The following ZMYND11 variants were observed in gnomAD, a reference collection of about 807,000 sequenced individuals.
ZMYND11 encodes the protein zinc finger MYND-type containing 11.
ZMYND11 carries 9 observed loss-of-function variants against 84.9 expected under a neutral mutation model. The ratio of observed to expected loss-of-function variants is 0.11; its 90% CI spans 0.06 to 0.18. The LOEUF (loss-of-function observed/expected upper bound fraction) is 0.18. ZMYND11 is among the 10% of genes least tolerant of loss of function. The pLI, the probability that ZMYND11 is intolerant of heterozygous loss-of-function variation, is 1.00. For missense variants in ZMYND11, 409 were observed against 761.0 expected (o/e 0.54, Z 5.44); for synonymous variants, 250 against 244.1 (o/e 1.02, Z -0.23).
intron 2 of ZMYND11, among the ~76,000 whole-genome samples, chr10:195,270 A>T (rs1941456124): frequency 6.6e-6 from 1 of 152,248 alleles, no homozygotes; most frequent in African/African-American, 2.4e-5. Context: ...TCAGTGGCTA[A>T]CGTCAGGCAG....
intron 14 of ZMYND11, chr10:249,612 C>G: frequency 7.1e-6 from 7 of 985,390 alleles, no homozygotes; most frequent in Non-Finnish European, 8.4e-6. Flanking sequence ...CATTTGTCAT[C>G]GTGTCCTGCT....
In ZMYND11 at chr10:221,253, T is replaced by C. The variant is rs755678263; in HGVS notation, c.335T>C (p.Val112Ala). 1 of 1,613,868 alleles carries C rather than the reference T, an allele frequency of 6.2e-7. No homozygotes were observed. The highest frequency in any genetic ancestry group is 8.5e-7 in the Non-Finnish European group (1 of 1,179,842). ...YCFECHLPGE[V>A]LICDLCFRVY... is the part of the protein sequence containing the mutation. ...TTTGAATGCCATTTGCCTGGAGAGG[T>C]GTTGATATGTGACCTGTGTTTTCGT... The change falls in exon 4 of 15, where the codon GTG becomes GCG. Residue 112 changes from valine to alanine, a missense_variant. Physicochemically the swap from Val to Ala is moderately conservative, Grantham distance 64. Around this residue, in one of 7 missense-constraint regions of ZMYND11, gnomAD observed 73 missense variants for 185.8 expected, o/e 0.39. Coordinates refer to ENST00000381604, the MANE Select transcript of ZMYND11 (RefSeq NM_001370100.5).
At chr10:156,508 T>C (rs939069595) in intron 1 of ZMYND11, among the ~76,000 whole-genome samples, 2 of 152,220 alleles carry the variant, frequency 1.3e-5, no homozygotes, top group Non-Finnish European at 1.5e-5. Context: ...TAACTCAAAC[T>C]CATGGATGGT....
At chr10:210,072 C>T (rs1564387446) in intron 3 of ZMYND11, 24 bp downstream of exon 3, 15 of 1,610,126 alleles carry the variant, frequency 9.3e-6, no homozygotes, top group Non-Finnish European at 1.3e-5. Flanking sequence ...ATTTGATAAA[C>T]ATAGAGATGT....
chr10:175,639 G>A (rs1554766779), intron 1 of ZMYND11, among the ~76,000 whole-genome samples: 4 of 152,050 alleles, frequency 2.6e-5, no homozygotes, highest in Non-Finnish European at 5.9e-5. Flanking sequence ...AGTGTAGAAG[G>A]ACTTCTGATC....
chr10:242,229 G>C, intron 10 of ZMYND11, 90 bp downstream of exon 10: 2 of 1,470,700 alleles, frequency 1.4e-6, no homozygotes, highest in African/African-American at 1.4e-5. Flanking sequence ...GATGCATGAA[G>C]TTTATTTTAA....
chr10:134,083 T>C (rs1429804883), upstream of ZMYND11, among the ~76,000 whole-genome samples: 8 of 152,162 alleles, frequency 5.3e-5, no homozygotes, highest in African/African-American at 1.9e-4. Flanking sequence ...AATAGATACC[T>C]GAAACCCGGG....
intron 2 of ZMYND11, among the ~76,000 whole-genome samples, chr10:189,762 TAAG>T (rs1052648332): frequency 3.0e-4 from 45 of 152,276 alleles, no homozygotes; most frequent in African/African-American, 1.0e-3. Flanking sequence ...CATAAAATAA[TAAG>T]GCGGTAGTAC....
intron 3 of ZMYND11, among the ~76,000 whole-genome samples, chr10:218,082 C>A (rs1462186467): frequency 6.6e-6 from 1 of 152,204 alleles, no homozygotes; most frequent in East Asian, 1.9e-4. Flanking sequence ...ATAAGACATA[C>A]ATTCATGTCT....
intron 1 of ZMYND11, among the ~76,000 whole-genome samples, chr10:153,368 C>G (rs988337405): frequency 6.6e-6 from 1 of 152,020 alleles, no homozygotes; most frequent in African/African-American, 2.4e-5. Context: ...TTTTAAGTTC[C>G]TAGTAGACAG....
chr10:251,565 G>A (rs1005345760), intron 14 of ZMYND11, among the ~76,000 whole-genome samples: 1 of 152,208 alleles, frequency 6.6e-6, no homozygotes, highest in East Asian at 1.9e-4. Flanking sequence ...GTTGTCAAGT[G>A]TTTGTTTACA....
Position 252,543 on chromosome 10 carries a change from A to G in ZMYND11, c.*73A>G, listed in dbSNP as rs1953717449. ...AGCGGTTTTTGTTTCCAAGAAGCCA[A>G]AATTGTTTAGAATTTGCTTCCCATT... On this transcript the variant is annotated 3_prime_UTR_variant, in exon 15 of 15. Coordinates refer to ENST00000381604, the MANE Select transcript of ZMYND11 (RefSeq NM_001370100.5). This position sits in a 1 kb window ranked among gnomAD's most constrained non-coding sequence, Gnocchi z 4.6. 1 of 1,525,320 alleles carries G rather than the reference A, an allele frequency of 6.6e-7. No homozygotes were observed. Among genetic ancestry groups the G allele is most frequent in the Middle Eastern group, 2.2e-4 (1 of 4,574 alleles). 94.5% of individuals were successfully genotyped at this position (1,525,320 alleles called of 1,614,324 possible).
chr10:139,762 A>AGT (rs1837062877), intron 1 of ZMYND11, among the ~76,000 whole-genome samples: 1 of 117,258 alleles, frequency 8.5e-6, no homozygotes, highest in Non-Finnish European at 1.6e-5. Context: ...CCCAGGCTGG[A>AGT]GTGCAGTGGT....
chr10:230,953 A>G (rs1426758578), intron 4 of ZMYND11, among the ~76,000 whole-genome samples: 1 of 152,222 alleles, frequency 6.6e-6, no homozygotes, highest in Non-Finnish European at 1.5e-5. Flanking sequence ...TCTAGGGGTC[A>G]ACCTGTGTAT....
rs1169417617 is a variant in ZMYND11 at position 218,475 on chromosome 10, C to G, written c.277-2720C>G. 15 of 395,034 alleles carry G rather than the reference C, an allele frequency of 3.8e-5. No homozygotes were observed. The Admixed American group carries it at 5.4e-4, about 14-fold the overall frequency. The allele number at this position is 395,034 out of a possible 1,614,324, so 24.5% of individuals were successfully genotyped here. On this transcript the variant is annotated intron_variant, in intron 3 of 14. Coordinates refer to ENST00000381604, the MANE Select transcript of ZMYND11 (RefSeq NM_001370100.5). ...GAAAGGCCTATAGTATGCAGCCTTT[C>G]TCCAGGACAGCAGCCCCAAACAAGG...
chr10:151,863 T>C (rs563446326), intron 1 of ZMYND11, among the ~76,000 whole-genome samples: 4 of 152,254 alleles, frequency 2.6e-5, no homozygotes, highest in Admixed American at 2.6e-4. Flanking sequence ...TAACAGCTGA[T>C]CTCTTGGCAG....
intron 6 of ZMYND11, 66 bp from the exon 7 acceptor site, chr10:239,372 A>G: frequency 7.7e-7 from 1 of 1,297,900 alleles, no homozygotes; most frequent in Non-Finnish European, 1.1e-6. Flanking sequence ...TTGTCCTGTG[A>G]ACTTAGTCCA....
intron 1 of ZMYND11, among the ~76,000 whole-genome samples, chr10:175,461 C>T (rs1029561728): frequency 3.9e-5 from 6 of 151,990 alleles, no homozygotes; most frequent in South Asian, 2.1e-4. Context: ...CTAGCTACAA[C>T]GGGAGGCTGA....
chr10:240,095 A>C lies in ZMYND11; in HGVS notation c.737A>C (p.Lys246Thr), dbSNP rs764442729. 2.5e-6 allele frequency: 4 copies of C among 1,611,624 alleles called. No individual in the cohort carries two copies. The highest frequency in any genetic ancestry group is 1.7e-4 in the Middle Eastern group (1 of 6,054). ...GCTGACATTGCGAGGATGCTATATA[A>C]AGACACATGTCATGAGGTACTATTC... is the stretch of plus-strand genomic sequence containing the variant. ...EQADIARMLY[K>T]DTCHELDELQ... Residue 246 changes from lysine (K) to threonine (T), a missense_variant, in exon 8 of 15, where the codon AAA becomes ACA. Transcript: ENST00000381604.
Sources: allele counts gnomAD v4.1 joint callset (sites outside exome capture counted in the v4.1 genomes callset), GRCh38; gene constraint gnomAD v4.1.1; regional missense constraint gnomAD v4.1.1; non-coding constraint Gnocchi (gnomAD v3.1); transcripts MANE v1.5; gene names NCBI Gene and HGNC (gene_info 2026-07-23, HGNC 2026-07-21).